SBK1: variants seen among roughly 807,000 people sequenced by gnomAD.
SBK1 encodes the protein SH3 domain binding kinase 1.
A neutral mutation model predicts 24.4 loss-of-function variants in SBK1; 11 were observed. That is an observed-to-expected ratio of 0.45 (90% CI 0.28 to 0.75). SBK1 has a LOEUF of 0.75. Ranked by LOEUF, SBK1 falls within the 30% of genes least tolerant of loss-of-function variation. SBK1 has a pLI of 0.12. For synonymous variants in SBK1, 308 were observed against 284.4 expected (o/e 1.08, Z -0.83); for missense variants, 467 against 620.5 (o/e 0.75, Z 2.63).
intron 1 of SBK1, among the ~76,000 whole-genome samples, chr16:28,281,117 T>C (rs552432266): frequency 1.3e-5 from 2 of 152,198 alleles, no homozygotes; most frequent in South Asian, 4.1e-4. Flanking sequence ...ACCTGGCATC[T>C]CATTCCCCTC....
chr16:28,291,066 G>GC (rs2044595911), upstream of SBK1: 1 of 152,156 alleles, frequency 6.6e-6, no homozygotes, highest in Non-Finnish European at 1.5e-5. Flanking sequence ...AGGTACTTGC[G>GC]TTTGCAATCC....
At chr16:28,273,131 G>C (rs547454023) in intron 1 of SBK1, among the ~76,000 whole-genome samples, 2 of 150,200 alleles carry the variant, frequency 1.3e-5, no homozygotes, top group South Asian at 2.1e-4. Flanking sequence ...GGCTGGTCTC[G>C]AACTCATGGC....
rs2044808112 is a variant in SBK1, at chr16:28,317,700, G to T, written c.226+83G>T. The T allele has an allele frequency of 9.5e-6, 9 of 943,774 alleles. No homozygotes were observed. Among genetic ancestry groups the T allele is most frequent in the South Asian group, 1.4e-5 (1 of 69,068 alleles). 58.5% of individuals were successfully genotyped at this position (943,774 alleles called of 1,614,324 possible). A position where few individuals can be genotyped will look rare whatever the true frequency, so the allele number is the denominator to read the frequency against. On this transcript the variant is annotated intron_variant, in intron 2 of 3. Transcript: ENST00000341901. This position sits in a 1 kb window ranked among gnomAD's most constrained non-coding sequence, Gnocchi z 4.2. ...CAGGGTTGGGGGACATGACCTTGCA[G>T]CTGGGCCGGGGCTCTCTGGTGCTCT... is the stretch of plus-strand genomic sequence containing the variant.
chr16:28,279,800 G>A (rs1388131902), intron 1 of SBK1, among the ~76,000 whole-genome samples: 1 of 151,932 alleles, frequency 6.6e-6, no homozygotes, highest in Non-Finnish European at 1.5e-5. Context: ...CTTCCTCCCC[G>A]GACCTCAGTT....
intron 1 of SBK1, among the ~76,000 whole-genome samples, chr16:28,277,336 CAGAG>C (rs140713501): frequency 4.0e-4 from 60 of 148,158 alleles, no homozygotes; most frequent in African/African-American, 1.2e-3. Context: ...AACATAGAGA[CAGAG>C]AGAGAGAGAG....
intron 1 of SBK1, among the ~76,000 whole-genome samples, chr16:28,282,561 G>C (rs1178822128): frequency 1.3e-5 from 2 of 152,162 alleles, no homozygotes. Context: ...TGAAGGCACA[G>C]ACTGTGATTT....
Position 28,319,795 on chromosome 16 carries a change from C to T in SBK1, c.430-281C>T, listed in dbSNP as rs543995316. 4.6e-5 allele frequency among the ~76,000 whole-genome samples: 7 copies of T among 152,206 alleles called. No individual in the cohort carries two copies. The highest frequency in any genetic ancestry group is 1.7e-4 in the African/African-American group (7 of 41,530). ...GCAAAATGACAGCAGGTGGAGGGCG[C>T]CGCGGACCCCCTCATCAACCTCCTG... On this transcript the variant is annotated intron_variant, in intron 3 of 3. Transcript: ENST00000341901. This position sits in a 1 kb window ranked among gnomAD's most constrained non-coding sequence, Gnocchi z 4.0.
rs926643240 is a variant in SBK1, at chr16:28,321,464, G to A, written c.*543G>A. 1 of 153,092 alleles carries A rather than the reference G, an allele frequency of 6.5e-6. No individual in the cohort carries two copies. Among genetic ancestry groups the A allele is most frequent in the Non-Finnish European group, 1.5e-5 (1 of 68,284 alleles). The allele number at this position is 153,092 out of a possible 1,614,324, so 9.5% of individuals were successfully genotyped here. On this transcript the variant is annotated 3_prime_UTR_variant, in exon 4 of 4. Transcript: ENST00000341901. ...GGCTTAAGGCCCCTGGGCACAGGCTGGGATCAGGGCAGTGAGCGAAGGGCA... is the reference window on the plus strand; with the variant it reads ...GGCTTAAGGCCCCTGGGCACAGGCTAGGATCAGGGCAGTGAGCGAAGGGCA...
At chr16:28,289,735 C>G (rs2044587512), upstream of SBK1, among the ~76,000 whole-genome samples, 1 of 151,386 alleles carries the variant, frequency 6.6e-6, no homozygotes, top group Non-Finnish European at 1.5e-5. Flanking sequence ...CCATTGCACT[C>G]CAGCCTGGGC....
chr16:28,312,170 C>T (rs1035312266), intron 1 of SBK1, among the ~76,000 whole-genome samples: 3 of 152,190 alleles, frequency 2.0e-5, no homozygotes, highest in Non-Finnish European at 4.4e-5. Flanking sequence ...GAGGAGTTTG[C>T]GGCAAAGAGG....
chr16:28,292,807 G>A lies in SBK1; in HGVS notation c.-501G>A, dbSNP rs1161750256. 19 of 985,268 alleles carry A rather than the reference G, an allele frequency of 1.9e-5. No homozygotes were observed. The highest frequency in any genetic ancestry group is 2.3e-5 in the Non-Finnish European group (19 of 829,898). The allele number at this position is 985,268 out of a possible 1,614,324, so 61.0% of individuals were successfully genotyped here. On this transcript the variant is annotated 5_prime_UTR_variant, in exon 1 of 4. Transcript: ENST00000341901. ...CTCGGGGAAGAGGGGGGGCCCTCCC[G>A]GATCCGACACCGAGCGACTCCCCTG...
At chr16:28,300,019 C>T (rs2141580203) in intron 1 of SBK1, among the ~76,000 whole-genome samples, 1 of 152,350 alleles carries the variant, frequency 6.6e-6, no homozygotes, top group Non-Finnish European at 1.5e-5. Flanking sequence ...CTCCCACCCA[C>T]AATTCCCTTG....
At chr16:28,273,608 T>C (rs960589991) in intron 1 of SBK1, among the ~76,000 whole-genome samples, 1 of 152,054 alleles carries the variant, frequency 6.6e-6, no homozygotes, top group African/African-American at 2.4e-5. Flanking sequence ...GTCCATTTCA[T>C]TTTTTTGTAG....
intron 1 of SBK1, among the ~76,000 whole-genome samples, chr16:28,305,331 G>C (rs528017214): frequency 3.9e-5 from 6 of 152,032 alleles, no homozygotes; most frequent in Admixed American, 6.6e-5. Flanking sequence ...TTGTGCCTCA[G>C]CTTCCCAAGT....
At chr16:28,266,101 C>A (rs779666444) in intron 1 of SBK1, among the ~76,000 whole-genome samples, 190 of 152,272 alleles carry the variant, frequency 1.2e-3, no homozygotes, top group Non-Finnish European at 1.6e-3. Context: ...AGGCTGAGTG[C>A]AGTGGCTCAC....
chr16:28,266,086 C>T (rs529680504), intron 1 of SBK1, among the ~76,000 whole-genome samples: 1 of 152,164 alleles, frequency 6.6e-6, no homozygotes, highest in East Asian at 1.9e-4. Flanking sequence ...ATTGAAAGGA[C>T]AGTGAGGCTG....
At position 28,320,778 on chromosome 16, in the gene SBK1, C is replaced by G; in HGVS notation, c.1132C>G (p.Pro378Ala). 1 of 1,404,364 alleles carries G rather than the reference C, an allele frequency of 7.1e-7. No individual in the cohort carries two copies. Among genetic ancestry groups the G allele is most frequent in the Middle Eastern group, 2.5e-4 (1 of 4,022 alleles). 87.0% of individuals were successfully genotyped at this position (1,404,364 alleles called of 1,614,324 possible). A position where few individuals can be genotyped will look rare whatever the true frequency, so the allele number is the denominator to read the frequency against. Residue 378 changes from proline (P) to alanine (A), a missense_variant, in exon 4 of 4, where the codon CCG (proline) becomes GCG (alanine). Transcript: ENST00000341901. This position sits in a 1 kb window ranked among gnomAD's most constrained non-coding sequence, Gnocchi z 8.5. ...PAVGSVPLPV[P>A]VPVPVPVPVP... is the part of the protein sequence containing the mutation. ...CGTCGGGTCGGTGCCCTTGCCCGTG[C>G]CGGTGCCGGTGCCAGTGCCCGTGCC...
At chr16:28,297,732 T>C (rs2044650678) in intron 1 of SBK1, among the ~76,000 whole-genome samples, 1 of 152,208 alleles carries the variant, frequency 6.6e-6, no homozygotes, top group South Asian at 2.1e-4. Context: ...CACTAACTAT[T>C]GGCCCTTATT....
At chr16:28,262,699 T>C (rs1168153013) in intron 1 of SBK1, among the ~76,000 whole-genome samples, 3 of 152,326 alleles carry the variant, frequency 2.0e-5, no homozygotes, top group Middle Eastern at 3.4e-3. Flanking sequence ...AGAAAACACA[T>C]CTGCATTTGA....
Sources: gnomAD v4.1 joint callset for allele counts (sites outside exome capture counted in the v4.1 genomes callset) on GRCh38, gnomAD v4.1.1 for gene constraint, Gnocchi (gnomAD v3.1) non-coding constraint, MANE v1.5 for transcripts, NCBI Gene and HGNC (gene_info 2026-07-23, HGNC 2026-07-21) for gene names.